The following TTC1 variants were observed in gnomAD, a reference collection of about 807,000 sequenced individuals.
The protein encoded by TTC1 is tetratricopeptide repeat domain 1.
A neutral mutation model predicts 37.6 loss-of-function variants in TTC1; 31 were observed. That is an observed-to-expected ratio of 0.82 (90% CI 0.62 to 1.11). The LOEUF is 1.11. TTC1 is among the 50% of genes most tolerant of loss of function. The probability of loss-of-function intolerance (pLI) is 0.00; values close to 1 mark genes in which losing one functional copy is unlikely to be tolerated. For missense variants in TTC1, 351 were observed against 339.0 expected (o/e 1.04, Z -0.28); for synonymous variants, 127 against 122.4 (o/e 1.04, Z -0.25).
intron 2 of TTC1, among the ~76,000 whole-genome samples, chr5:160,011,120 AAC>A (rs1452660139): frequency 2.6e-5 from 4 of 152,220 alleles, no homozygotes; most frequent in African/African-American, 9.6e-5. Flanking sequence ...TCTGTAATGT[AAC>A]AGTCTTTTTG....
chr5:160,020,328 A>T (rs1337408368), intron 2 of TTC1, among the ~76,000 whole-genome samples: 1 of 152,078 alleles, frequency 6.6e-6, no homozygotes, highest in Non-Finnish European at 1.5e-5. Context: ...TCTGATCCCA[A>T]GTTTGTTTAT....
intron 7 of TTC1, among the ~76,000 whole-genome samples, chr5:160,059,770 T>G (rs764601895): frequency 2.0e-5 from 3 of 152,096 alleles, no homozygotes; most frequent in Non-Finnish European, 4.4e-5. Context: ...AATAGTAACC[T>G]CACAGATCAT....
At chr5:160,026,465 T>TA (rs1169028259) in intron 2 of TTC1, among the ~76,000 whole-genome samples, 1 of 152,238 alleles carries the variant, frequency 6.6e-6, no homozygotes, top group Admixed American at 6.5e-5. Context: ...GTTTTTCCTT[T>TA]ATATATTTTA....
intron 5 of TTC1, among the ~76,000 whole-genome samples, chr5:160,048,768 T>G (rs1757324662): frequency 6.6e-6 from 1 of 152,086 alleles, no homozygotes; most frequent in Non-Finnish European, 1.5e-5. Context: ...CTGGCCAACA[T>G]AATGAAACCC....
Position 160,010,527 on chromosome 5 carries a change from G to C in TTC1, c.-2G>C, listed in dbSNP as rs1756480580. ...TTAGCGTCACCTCCCTCACTGGGCA[G>C]CATGGGGGAGAAGTCAGAGAACTGT... On this transcript the variant is annotated 5_prime_UTR_variant, in exon 2 of 8. Transcript: ENST00000231238. 6.2e-7 allele frequency: 1 copy of C among 1,610,880 alleles called. No homozygotes were observed. The highest frequency in any genetic ancestry group is 8.5e-7 in the Non-Finnish European group (1 of 1,177,464).
At position 160,010,691 on chromosome 5, in the gene TTC1, G is replaced by A. The variant is rs1206553348; in HGVS notation, c.163G>A (p.Glu55Lys). 2 of 1,613,660 alleles carry A rather than the reference G, an allele frequency of 1.2e-6. No homozygotes were observed. The highest frequency in any genetic ancestry group is 2.7e-5 in the African/African-American group (2 of 74,898). ...LLRDDEAHLQEDQGEEECFHD... is the reference protein window; with the variant it reads ...LLRDDEAHLQKDQGEEECFHD... ...CAGGGATGATGAGGCCCATCTCCAGGAGGACCAGGGAGAAGAGGAGTGTTT... is the reference window on the plus strand; with the variant it reads ...CAGGGATGATGAGGCCCATCTCCAGAAGGACCAGGGAGAAGAGGAGTGTTT... Residue 55 changes from glutamate to lysine, a missense_variant, in exon 2 of 8, where the codon GAG becomes AAG. Physicochemically the swap from Glu to Lys is moderately conservative, Grantham distance 56 (BLOSUM62 1). Transcript: ENST00000231238.
intron 5 of TTC1, among the ~76,000 whole-genome samples, chr5:160,047,959 G>C (rs1018700810): frequency 1.3e-5 from 2 of 151,964 alleles, no homozygotes; most frequent in Non-Finnish European, 2.9e-5. Context: ...ATAGCATAAG[G>C]CTTCATGAGA....
At chr5:160,064,847 A>G in intron 7 of TTC1, 85 bp from the exon 8 acceptor site, 1 of 1,370,390 alleles carries the variant, frequency 7.3e-7, no homozygotes, top group South Asian at 1.4e-5. Context: ...TATATTTTGT[A>G]CTCAGTGGTA....
chr5:160,025,367 GC>G (rs1756783203), intron 2 of TTC1, among the ~76,000 whole-genome samples: 1 of 152,062 alleles, frequency 6.6e-6, no homozygotes, highest in South Asian at 2.1e-4. Context: ...TTGCCATGTT[GC>G]CCATGCTGGT....
chr5:160,024,115 A>G, intron 2 of TTC1: 1 of 727,086 alleles, frequency 1.4e-6, no homozygotes, highest in Non-Finnish European at 2.4e-6. Context: ...TGTGCTGTGT[A>G]CATAGCACAG....
intron 2 of TTC1, among the ~76,000 whole-genome samples, chr5:160,018,878 A>C (rs1756652590): frequency 6.6e-6 from 1 of 152,162 alleles, no homozygotes; most frequent in South Asian, 2.1e-4. Flanking sequence ...TGATTTTGGG[A>C]TATATTTCAG....
chr5:160,046,968 C>T (rs995647085), intron 5 of TTC1, among the ~76,000 whole-genome samples: 2 of 152,046 alleles, frequency 1.3e-5, no homozygotes, highest in Non-Finnish European at 2.9e-5. Flanking sequence ...GCCGAGATCA[C>T]GCCATTACAC....
intron 7 of TTC1, among the ~76,000 whole-genome samples, chr5:160,054,634 A>C (rs530099351): frequency 1.3e-5 from 2 of 152,080 alleles, no homozygotes; most frequent in South Asian, 2.1e-4. Context: ...GAAAAGAAAA[A>C]TCTCATGTGA....
chr5:160,062,414 T>C (rs1051777405), intron 7 of TTC1, among the ~76,000 whole-genome samples: 1 of 152,184 alleles, frequency 6.6e-6, no homozygotes, highest in African/African-American at 2.4e-5. Context: ...CACTGTGGCA[T>C]GTAGCCTCTT....
intron 2 of TTC1, among the ~76,000 whole-genome samples, chr5:160,027,142 A>G (rs1756820645): frequency 6.6e-6 from 1 of 151,464 alleles, no homozygotes; most frequent in Admixed American, 6.6e-5. Context: ...TGATCCTCCC[A>G]CCTCAGCCTC....
At chr5:160,036,583 CAA>C (rs1757002625) in intron 3 of TTC1, 106 bp from the exon 4 acceptor site, 1 of 742,902 alleles carries the variant, frequency 1.3e-6, no homozygotes, top group African/African-American at 1.8e-5. Flanking sequence ...TCTTTTAACT[CAA>C]AACCTTCATC....
chr5:160,043,851 C>G (rs1757146220), intron 5 of TTC1, among the ~76,000 whole-genome samples: 1 of 152,120 alleles, frequency 6.6e-6, no homozygotes, highest in South Asian at 2.1e-4. Context: ...CTTTCAGATT[C>G]TACACAATGA....
chr5:160,048,126 C>CTTTTTTTTTTTTT (rs56201199), intron 5 of TTC1, among the ~76,000 whole-genome samples: 3 of 35,538 alleles, frequency 8.4e-5, no homozygotes, highest in African/African-American at 3.7e-4. Context: ...CAAGACATTG[C>CTTTTTTTTTTTTT]TTTTTTTTTT....
intron 3 of TTC1, 50 bp from the exon 4 acceptor site, chr5:160,036,641 G>C: frequency 8.1e-7 from 1 of 1,232,106 alleles, no homozygotes; most frequent in Non-Finnish European, 1.2e-6. Flanking sequence ...GAATATAGTA[G>C]TATCAGGAAT....
Sources: allele counts gnomAD v4.1 joint callset (sites outside exome capture counted in the v4.1 genomes callset), GRCh38; gene constraint gnomAD v4.1.1; transcripts MANE v1.5; gene names NCBI Gene and HGNC (gene_info 2026-07-23, HGNC 2026-07-21).